DOCK6: variants seen among roughly 807,000 people sequenced by gnomAD.
DOCK6 encodes the protein dedicator of cytokinesis 6.
Under a neutral mutation model 230.3 loss-of-function variants are expected in DOCK6, and 167 were observed. The observed-to-expected ratio is 0.73, with a 90% CI of 0.64 to 0.82. The LOEUF is 0.82. Ranked by LOEUF, DOCK6 falls within the 40% of genes least tolerant of loss-of-function variation. The pLI is 0.00. For synonymous variants in DOCK6, 1,148 were observed against 1,185.0 expected (o/e 0.97, Z 0.64); for missense variants, 2,598 against 2,825.8 (o/e 0.92, Z 1.83).
chr19:11,231,017 A>G (rs2079757051), intron 22 of DOCK6, among the ~76,000 whole-genome samples: 1 of 152,136 alleles, frequency 6.6e-6, no homozygotes, highest in South Asian at 2.1e-4. Flanking sequence ...AGGGCCTTCC[A>G]TTGAAAAGGC....
At chr19:11,199,783 G>A (rs1275148854) in intron 47 of DOCK6, among the ~76,000 whole-genome samples, 1 of 152,184 alleles carries the variant, frequency 6.6e-6, no homozygotes, top group Admixed American at 6.5e-5. Flanking sequence ...CATGTATCTG[G>A]GAAATGACTG....
At chr19:11,235,976 G>T (rs1308620415) in intron 20 of DOCK6, 6 of 570,038 alleles carry the variant, frequency 1.1e-5, no homozygotes, top group Non-Finnish European at 1.7e-5. Flanking sequence ...CGCCTCCCAG[G>T]TTCAAGCAAT....
intron 24 of DOCK6, among the ~76,000 whole-genome samples, chr19:11,224,190 T>TTTTCTTTCTTTCTTTC (rs199688091): frequency 0.011 from 1,661 of 146,382 alleles, 29 homozygotes; most frequent in African/African-American, 0.035. Context: ...CTGTAATTAC[T>TTTTCTTTCTTTCTTTC]TTTCTTTCTT....
At chr19:11,253,747 C>G (rs201641250) in intron 1 of DOCK6, 21 bp from the exon 2 acceptor site, 1 of 1,447,528 alleles carries the variant, frequency 6.9e-7, no homozygotes, top group South Asian at 1.4e-5. Flanking sequence ...AGGGAGGGGG[C>G]CATTGGGGAC....
chr19:11,249,883 A>G (rs1368886161), intron 6 of DOCK6, among the ~76,000 whole-genome samples: 1 of 114,934 alleles, frequency 8.7e-6, no homozygotes, highest in Non-Finnish European at 1.7e-5. Context: ...GGGCGACAAG[A>G]GCGAGACTCC....
At position 11,250,965 on chromosome 19, in the gene DOCK6, G is replaced by T. The variant is rs779753968; in HGVS notation, c.629C>A (p.Ala210Glu). Residue 210 changes from alanine to glutamate, a missense_variant, in exon 6 of 48, where the codon GCG (alanine) becomes GAG (glutamate). Transcript: ENST00000294618. ...DSLLPSLLERAAPEDVDRRNE... is the reference protein window; with the variant it reads ...DSLLPSLLEREAPEDVDRRNE... ...GCGCCGGTCCACATCTTCTGGGGCCGCCCGCTCTAGCAGAGAGGGCAGCAA... is the reference window on the plus strand; with the variant it reads ...GCGCCGGTCCACATCTTCTGGGGCCTCCCGCTCTAGCAGAGAGGGCAGCAA... 6.2e-7 allele frequency: 1 copy of T among 1,613,670 alleles called. No individual in the cohort carries two copies. The highest frequency in any genetic ancestry group is 1.1e-5 in the South Asian group (1 of 91,072).
chr19:11,199,577 G>A (rs958323276), intron 47 of DOCK6, 38 bp from the exon 48 acceptor site: 1 of 1,559,886 alleles, frequency 6.4e-7, no homozygotes, highest in African/African-American at 1.4e-5. Context: ...ATGGCCATGG[G>A]GCCCCCAACT....
Position 11,262,514 on chromosome 19 carries a change from C to T in DOCK6, c.-74G>A, listed in dbSNP as rs1238110323. On this transcript the variant is annotated 5_prime_UTR_variant, in exon 1 of 48. Transcript: ENST00000294618. ...CCGCCGCCTCCCGGTTCTGGGCAGC[C>T]GGGGCGGGGCGGGGCCGGCGCGGGG... 5 of 919,254 alleles carry T rather than the reference C, an allele frequency of 5.4e-6. No homozygotes were observed. The highest frequency in any genetic ancestry group is 1.8e-5 in the African/African-American group (1 of 55,494). 56.9% of individuals were successfully genotyped at this position (919,254 alleles called of 1,614,324 possible). A position where few individuals can be genotyped will look rare whatever the true frequency, so the allele number is the denominator to read the frequency against.
At chr19:11,209,720 C>T (rs370700114) in intron 37 of DOCK6, among the ~76,000 whole-genome samples, 4 of 82,304 alleles carry the variant, frequency 4.9e-5, no homozygotes, top group Admixed American at 2.5e-4. Flanking sequence ...ATCCCTTCAC[C>T]TGTCTATCCC....
chr19:11,252,476 A>G lies in DOCK6; in HGVS notation c.377+6T>C. The G allele has an allele frequency of 6.2e-7, 1 of 1,613,760 alleles. No homozygotes were observed. Among genetic ancestry groups the G allele is most frequent in the Non-Finnish European group, 8.5e-7 (1 of 1,179,860 alleles). On this transcript the variant is annotated splice_donor_region_variant and intron_variant, in intron 4 of 47. Transcript: ENST00000294618. ...ACCCCCTGAGCTGCCCCTAAGTCAG[A>G]CTCACCTTCTGTGGACAATGACCCA...
chr19:11,258,092 C>T (rs373826474), intron 1 of DOCK6, among the ~76,000 whole-genome samples: 208 of 152,260 alleles, frequency 1.4e-3, no homozygotes, highest in African/African-American at 4.9e-3. Context: ...CATGACAGCT[C>T]CAAAGTGAAA....
At position 11,236,116 on chromosome 19, in the gene DOCK6, G is replaced by A; in HGVS notation, c.2392+230C>T. 4 of 566,120 alleles carry A rather than the reference G, an allele frequency of 7.1e-6. No homozygotes were observed. Among genetic ancestry groups the A allele is most frequent in the South Asian group, 4.9e-5 (2 of 40,806 alleles). The allele number at this position is 566,120 out of a possible 1,614,324, so 35.1% of individuals were successfully genotyped here. On this transcript the variant is annotated intron_variant, in intron 20 of 47. Transcript: ENST00000294618. The surrounding 1 kb of genome is among the most constrained non-coding windows in gnomAD (Gnocchi z 5.2). ...GCTGGTCTCAAACTCTCGACCTCAG[G>A]TGATCTGCCCGCCTCGGCCTCCCAA...
Position 11,212,015 on chromosome 19 carries a change from C to T in DOCK6, c.4628G>A (p.Arg1543Gln), listed in dbSNP as rs766488729. 70 of 1,607,144 alleles carry T rather than the reference C, an allele frequency of 4.4e-5. No individual in the cohort carries two copies. The highest frequency in any genetic ancestry group is 4.2e-4 in the South Asian group (38 of 89,776). ...LTYAEEDMGL[R>Q]DSTFAEQVQD... is the part of the protein sequence containing the mutation. ...CACCTGCTCTGCGAAGGTGCTGTCC[C>T]GCAGCCCCATGTCCTCCTCAGCATA... Residue 1543 changes from arginine (R) to glutamine (Q), a missense_variant, in exon 36 of 48, where the codon CGG becomes CAG. By Grantham distance (43) the Arg-to-Gln change is conservative. Coordinates refer to ENST00000294618, the MANE Select transcript of DOCK6 (RefSeq NM_020812.4).
At chr19:11,255,936 A>G (rs902399428) in intron 1 of DOCK6, among the ~76,000 whole-genome samples, 18 of 152,070 alleles carry the variant, frequency 1.2e-4, no homozygotes, top group African/African-American at 2.9e-4. Flanking sequence ...ACAGGCGCCC[A>G]CCACTACGCC....
In DOCK6 at chr19:11,243,912, G is replaced by C. The variant is rs2079991564; in HGVS notation, c.1024-30C>G. 6.3e-7 allele frequency: 1 copy of C among 1,583,878 alleles called. No individual in the cohort carries two copies. The highest frequency in any genetic ancestry group is 2.3e-5 in the East Asian group (1 of 43,416). ...GGGGCAGATGAATGAATCCAGTGAG[G>C]CGCTGCCCGAACGCTCTGTTCCCCC... On this transcript the variant is annotated intron_variant, in intron 9 of 47. Transcript: ENST00000294618. This position sits in a 1 kb window ranked among gnomAD's most constrained non-coding sequence, Gnocchi z 6.3.
At chr19:11,252,031 G>A (rs894579201) in intron 5 of DOCK6, 88 bp downstream of exon 5, 4 of 1,538,652 alleles carry the variant, frequency 2.6e-6, no homozygotes, top group South Asian at 1.2e-5. Flanking sequence ...AAGGCTGTTT[G>A]GGTCATTTCC....
rs1202876206 is a variant in DOCK6, at chr19:11,245,658, G to A, written c.928C>T (p.Arg310Trp). The stretch of plus-strand genomic sequence containing the variant: ...ATGGCAGGGTGGGTGCCATGAGCCC[G>A]AAGCAGCCCCTTCATGGAGTCCGAG... Reference protein sequence around the residue: ...LNSDSMKGLLRAHGTHPAIST... With the variant: ...LNSDSMKGLLWAHGTHPAIST... The change falls in exon 9 of 48, where the codon CGG becomes TGG. Residue 310 changes from arginine to tryptophan, a missense_variant. Physicochemically the swap from Arg to Trp is moderately radical, Grantham distance 101 (BLOSUM62 -3). Coordinates refer to ENST00000294618, the MANE Select transcript of DOCK6 (RefSeq NM_020812.4). The A allele has an allele frequency of 1.1e-5, 18 of 1,609,102 alleles. No individual in the cohort carries two copies. The highest frequency in any genetic ancestry group is 3.3e-5 in the South Asian group (3 of 90,080).
intron 6 of DOCK6, among the ~76,000 whole-genome samples, chr19:11,249,882 G>C (rs1320714114): frequency 3.8e-5 from 4 of 105,398 alleles, no homozygotes; most frequent in Non-Finnish European, 7.1e-5. Flanking sequence ...TGGGCGACAA[G>C]AGCGAGACTC....
At chr19:11,256,447 T>C (rs577209295) in intron 1 of DOCK6, among the ~76,000 whole-genome samples, 87 of 152,228 alleles carry the variant, frequency 5.7e-4, no homozygotes, top group African/African-American at 2.0e-3. Context: ...CAGAGCCAGC[T>C]GACTGCATCA....
Sources: allele counts gnomAD v4.1 joint callset (sites outside exome capture counted in the v4.1 genomes callset), GRCh38; gene constraint gnomAD v4.1.1; non-coding constraint Gnocchi (gnomAD v3.1); transcripts MANE v1.5; gene names NCBI Gene and HGNC (gene_info 2026-07-23, HGNC 2026-07-21).